C6orf136: variants seen among roughly 807,000 people sequenced by gnomAD.
C6orf136 encodes the protein chromosome 6 open reading frame 136, also known as uncharacterized protein C6orf136.
A neutral mutation model predicts 44.0 loss-of-function variants in C6orf136; 29 were observed. That is an observed-to-expected ratio of 0.66 (90% CI 0.49 to 0.90). The LOEUF (loss-of-function observed/expected upper bound fraction) is 0.90, where lower values mean the gene tolerates loss of function less well. Ranked by LOEUF, C6orf136 falls within the 40% of genes least tolerant of loss-of-function variation. The probability of loss-of-function intolerance (pLI) is 0.00; values close to 1 mark genes in which losing one functional copy is unlikely to be tolerated. For synonymous variants in C6orf136, 293 were observed against 278.6 expected, an observed-to-expected ratio of 1.05 and a Z score of -0.52; for missense variants, 628 against 669.3, an observed-to-expected ratio of 0.94 and a Z score of 0.68.
intron 3 of C6orf136, 64 bp downstream of exon 3, chr6:30,651,146 C>G: frequency 1.3e-6 from 2 of 1,562,258 alleles, no homozygotes; most frequent in Non-Finnish European, 1.8e-6. Context: ...ATACATGACC[C>G]TTTTCACTTC....
At chr6:30,649,198 A>C (rs1767173598) in intron 1 of C6orf136, among the ~76,000 whole-genome samples, 1 of 151,824 alleles carries the variant, frequency 6.6e-6, no homozygotes, top group Non-Finnish European at 1.5e-5. Flanking sequence ...TCCTGTCTCT[A>C]CTAAAAATAC....
chr6:30,647,755 T>G lies in C6orf136; in HGVS notation c.524T>G (p.Val175Gly), dbSNP rs1229705474. 6 of 1,548,308 alleles carry G rather than the reference T, an allele frequency of 3.9e-6. No individual in the cohort carries two copies. Among genetic ancestry groups the G allele is most frequent in the Non-Finnish European group, 4.4e-6 (5 of 1,146,432 alleles). The change falls in exon 1 of 6, where the codon GTG becomes GGG. Residue 175 changes from valine (V) to glycine (G), a missense_variant. Val to Gly is a moderately radical substitution (Grantham distance 109, BLOSUM62 -3). Transcript: ENST00000651131. The surrounding 1 kb of genome is among the most constrained non-coding windows in gnomAD (Gnocchi z 4.8). ...GERSWQEGRPVCTRFGPLRPG... is the reference protein window; with the variant it reads ...GERSWQEGRPGCTRFGPLRPG... ...CGGTCCTGGCAGGAAGGCCGGCCAG[T>G]GTGCACCCGGTTCGGGCCCCTGCGC...
Position 30,651,377 on chromosome 6 carries a change from G to A in C6orf136, c.1218G>A (p.Trp406Ter). The change falls in exon 4 of 6, where the codon TGG becomes TGA. Residue 406 changes from tryptophan to a stop codon, truncating the protein, a stop_gained. Coordinates refer to ENST00000651131, the MANE Select transcript of C6orf136 (RefSeq NM_001161376.2). LOFTEE classifies it high-confidence loss of function. ...VLQLTRHPEN[W>*]TLQARWRLVG... ...AGCTGACCCGCCACCCTGAGAACTG[G>A]ACCCTGCAAGCCCGGTGGCGGCTTG... 6.2e-7 allele frequency: 1 copy of A among 1,613,770 alleles called. No individual in the cohort carries two copies. Among genetic ancestry groups the A allele is most frequent in the Non-Finnish European group, 8.5e-7 (1 of 1,180,030 alleles).
In C6orf136 at chr6:30,647,875, G is replaced by C. The variant is rs1767017960; in HGVS notation, c.615+29G>C. On this transcript the variant is annotated intron_variant, in intron 1 of 5. Coordinates refer to ENST00000651131, the MANE Select transcript of C6orf136 (RefSeq NM_001161376.2). The surrounding 1 kb of genome is among the most constrained non-coding windows in gnomAD (Gnocchi z 4.8). ...CCCGAGCGGTCCGCCCGCCTTCCCT[G>C]CAGTGAGACGATCCCCTGGGGGGTT... 1.4e-6 allele frequency: 2 copies of C among 1,454,796 alleles called. No homozygotes were observed. The highest frequency in any genetic ancestry group is 1.8e-6 in the Non-Finnish European group (2 of 1,105,252). The allele number at this position is 1,454,796 out of a possible 1,614,324, so 90.1% of individuals were successfully genotyped here.
rs1476555180 is a variant in C6orf136 at position 30,647,782 on chromosome 6, CG to C, written c.554del (p.Gly185AlafsTer152). ...TGCACCCGGTTCGGGCCCCTGCGCC[CG>C]GGCTGGCAAGATGGCCACGCCCCCA... is the stretch of plus-strand genomic sequence containing the variant. ...PVCTRFGPLR[P>X]GWQDGHAPSR... On this transcript the variant is annotated frameshift_variant, in exon 1 of 6. Transcript: ENST00000651131. LOFTEE classifies it high-confidence loss of function. This position sits in a 1 kb window ranked among gnomAD's most constrained non-coding sequence, Gnocchi z 4.8. 2 of 1,542,860 alleles carry C rather than the reference CG, an allele frequency of 1.3e-6. No individual in the cohort carries two copies. Among genetic ancestry groups the C allele is most frequent in the Non-Finnish European group, 1.7e-6 (2 of 1,144,884 alleles).
intron 4 of C6orf136, 150 bp downstream of exon 4, chr6:30,651,616 C>T (rs1463893109): frequency 1.3e-6 from 1 of 746,558 alleles, no homozygotes; most frequent in East Asian, 2.6e-5. Flanking sequence ...CAGCAATTCT[C>T]CAGCCTCAGC....
At position 30,651,332 on chromosome 6, in the gene C6orf136, C is replaced by T; in HGVS notation, c.1173C>T (p.His391=). The T allele has an allele frequency of 1.2e-6, 2 of 1,614,062 alleles. No homozygotes were observed. Among genetic ancestry groups the T allele is most frequent in the Non-Finnish European group, 8.5e-7 (1 of 1,180,036 alleles). The change falls in exon 4 of 6, where the codon CAC becomes CAT. Residue 391 remains histidine, a synonymous_variant. Coordinates refer to ENST00000651131, the MANE Select transcript of C6orf136 (RefSeq NM_001161376.2). ...CRFLAWNYFA[H]LRLEVLQLTR... is the part of the protein sequence containing the mutation. ...TCCTGGCCTGGAATTATTTTGCACA[C>T]CTTCGTTTGGAGGTTTTACAGCTGA...
Position 30,649,793 on chromosome 6 carries a change from G to A in C6orf136, c.851G>A (p.Cys284Tyr), listed in dbSNP as rs912826794. Residue 284 changes from cysteine to tyrosine, a missense_variant, in exon 2 of 6, where the codon TGC (cysteine) becomes TAC (tyrosine). Coordinates refer to ENST00000651131, the MANE Select transcript of C6orf136 (RefSeq NM_001161376.2). ...EGPGPELHSG[C>Y]LDGLRSLFEG... is the part of the protein sequence containing the mutation. ...CCAGGACCTGAGTTGCATAGCGGCT[G>A]CCTGGATGGGCTTAGAAGCCTTTTT... 1.7e-5 allele frequency: 28 copies of A among 1,614,114 alleles called. 2 individuals are homozygous for A. In the East Asian group the frequency reaches 6.2e-4, roughly 36 times the overall value.
In C6orf136 at chr6:30,647,956, G is replaced by C; in HGVS notation, c.615+110G>C. ...TAACTTTGGGTGACCTCCCCTTGCA[G>C]TTTCAACGTCGGTAAACCCAGGAGA... On this transcript the variant is annotated intron_variant, in intron 1 of 5. Transcript: ENST00000651131. The surrounding 1 kb of genome is among the most constrained non-coding windows in gnomAD (Gnocchi z 4.8). 1 of 1,395,702 alleles carries C rather than the reference G, an allele frequency of 7.2e-7. No homozygotes were observed. The highest frequency in any genetic ancestry group is 1.5e-5 in the South Asian group (1 of 64,784). The allele number at this position is 1,395,702 out of a possible 1,614,324, so 86.5% of individuals were successfully genotyped here.
chr6:30,647,528 G>C lies in C6orf136; in HGVS notation c.297G>C (p.Arg99Ser), dbSNP rs1481581976. ...GGACGTCGGTCCTCCCAGGTTTGAGGGCGGTCAGGCGGGGTCAAGGCCAGG... is the reference window on the plus strand; with the variant it reads ...GGACGTCGGTCCTCCCAGGTTTGAGCGCGGTCAGGCGGGGTCAAGGCCAGG... Reference protein sequence around the residue: ...RARTSVLPGLRAVRRGQGQAA... With the variant: ...RARTSVLPGLSAVRRGQGQAA... The change falls in exon 1 of 6, where the codon AGG becomes AGC. Residue 99 changes from arginine to serine, a missense_variant. Around this residue, in one of 2 missense-constraint regions of C6orf136, gnomAD observed 497 missense variants for 469.2 expected, o/e 1.06. Coordinates refer to ENST00000651131, the MANE Select transcript of C6orf136 (RefSeq NM_001161376.2). The surrounding 1 kb of genome is among the most constrained non-coding windows in gnomAD (Gnocchi z 4.8). The C allele has an allele frequency of 1.3e-6, 2 of 1,518,632 alleles. No homozygotes were observed. Among genetic ancestry groups the C allele is most frequent in the Non-Finnish European group, 1.8e-6 (2 of 1,127,068 alleles). The allele number at this position is 1,518,632 out of a possible 1,614,324, so 94.1% of individuals were successfully genotyped here. A position where few individuals can be genotyped will look rare whatever the true frequency, so the allele number is the denominator to read the frequency against.
chr6:30,649,582 C>T lies in C6orf136; in HGVS notation c.640C>T (p.Pro214Ser). Reference sequence around the variant, plus strand: ...GGACCAGCTTTATCCAGGGACTCTACCATTCCCACCCCTTTGGCCCCACTC... The same window carrying T: ...GGACCAGCTTTATCCAGGGACTCTATCATTCCCACCCCTTTGGCCCCACTC... ...TEDQLYPGTLPFPPLWPHSTT... is the reference protein window; with the variant it reads ...TEDQLYPGTLSFPPLWPHSTT... Residue 214 changes from proline to serine, a missense_variant, in exon 2 of 6, where the codon CCA (proline) becomes TCA (serine). Physicochemically the swap from Pro to Ser is moderately conservative, Grantham distance 74. Coordinates refer to ENST00000651131, the MANE Select transcript of C6orf136 (RefSeq NM_001161376.2). 1 of 1,587,292 alleles carries T rather than the reference C, an allele frequency of 6.3e-7. No individual in the cohort carries two copies. Among genetic ancestry groups the T allele is most frequent in the Non-Finnish European group, 8.5e-7 (1 of 1,173,324 alleles).
chr6:30,647,741 G>A lies in C6orf136; in HGVS notation c.510G>A (p.Gln170=). 1 of 1,549,346 alleles carries A rather than the reference G, an allele frequency of 6.5e-7. No individual in the cohort carries two copies. Among genetic ancestry groups the A allele is most frequent in the Non-Finnish European group, 8.7e-7 (1 of 1,146,644 alleles). ...ARLALGERSW[Q]EGRPVCTRFG... The stretch of plus-strand genomic sequence containing the variant: ...TTGCACTCGGAGAGCGGTCCTGGCA[G>A]GAAGGCCGGCCAGTGTGCACCCGGT... Residue 170 remains glutamine (Q), a synonymous_variant, in exon 1 of 6, where the codon CAG becomes CAA. Coordinates refer to ENST00000651131, the MANE Select transcript of C6orf136 (RefSeq NM_001161376.2). The surrounding 1 kb of genome is among the most constrained non-coding windows in gnomAD (Gnocchi z 4.8).
In C6orf136 at chr6:30,647,445, G is replaced by T. The variant is rs755287603; in HGVS notation, c.214G>T (p.Val72Leu). Residue 72 changes from valine to leucine, a missense_variant, in exon 1 of 6, where the codon GTG (valine) becomes TTG (leucine). By Grantham distance (32) the Val-to-Leu change is conservative. Coordinates refer to ENST00000651131, the MANE Select transcript of C6orf136 (RefSeq NM_001161376.2). This position sits in a 1 kb window ranked among gnomAD's most constrained non-coding sequence, Gnocchi z 4.8. ...PPLPTCALQR[V>L]DRLGVAGAGG... is the part of the protein sequence containing the mutation. ...CCTTCCCACCTGTGCCCTGCAGCGC[G>T]TGGACAGGCTAGGGGTCGCGGGAGC... 1.6e-5 allele frequency: 23 copies of T among 1,471,402 alleles called. No individual in the cohort carries two copies. In the African/African-American group the frequency reaches 3.0e-4, roughly 19 times the overall value. 91.1% of individuals were successfully genotyped at this position (1,471,402 alleles called of 1,614,324 possible). A position where few individuals can be genotyped will look rare whatever the true frequency, so the allele number is the denominator to read the frequency against.
In C6orf136 at chr6:30,647,930, C is replaced by T; in HGVS notation, c.615+84C>T. Reference sequence around the variant, plus strand: ...GGGAGCGGAGGGACTCGGGTGAGGCCTAACTTTGGGTGACCTCCCCTTGCA... The same window carrying T: ...GGGAGCGGAGGGACTCGGGTGAGGCTTAACTTTGGGTGACCTCCCCTTGCA... On this transcript the variant is annotated intron_variant, in intron 1 of 5. Coordinates refer to ENST00000651131, the MANE Select transcript of C6orf136 (RefSeq NM_001161376.2). The surrounding 1 kb of genome is among the most constrained non-coding windows in gnomAD (Gnocchi z 4.8). 7.1e-7 allele frequency: 1 copy of T among 1,417,924 alleles called. No individual in the cohort carries two copies. Among genetic ancestry groups the T allele is most frequent in the Non-Finnish European group, 9.2e-7 (1 of 1,090,518 alleles). 87.8% of individuals were successfully genotyped at this position (1,417,924 alleles called of 1,614,324 possible).
At chr6:30,652,577 T>TAAAC in intron 4 of C6orf136, 71 bp from the exon 5 acceptor site, 2 of 1,421,598 alleles carry the variant, frequency 1.4e-6, no homozygotes, top group African/African-American at 2.8e-5. Flanking sequence ...ACTACTCGTT[T>TAAAC]AAACAAATGC....
In C6orf136 at chr6:30,647,367, C is replaced by G; in HGVS notation, c.136C>G (p.Arg46Gly). ...GGERPSSKPV[R>G]GAERALGSAQ... ...GGAGAGACCCTCCTCAAAGCCGGTG[C>G]GTGGGGCGGAGCGCGCGCTGGGTTC... Residue 46 changes from arginine to glycine, a missense_variant, in exon 1 of 6, where the codon CGT (arginine) becomes GGT (glycine). Arg to Gly is a moderately radical substitution (Grantham distance 125). Coordinates refer to ENST00000651131, the MANE Select transcript of C6orf136 (RefSeq NM_001161376.2). The surrounding 1 kb of genome is among the most constrained non-coding windows in gnomAD (Gnocchi z 4.8). The G allele has an allele frequency of 4.6e-6, 7 of 1,513,710 alleles. No homozygotes were observed. Among genetic ancestry groups the G allele is most frequent in the Non-Finnish European group, 6.2e-6 (7 of 1,134,008 alleles). The allele number at this position is 1,513,710 out of a possible 1,614,324, so 93.8% of individuals were successfully genotyped here.
rs763976351 is a variant in C6orf136, at chr6:30,647,694, C to G, written c.463C>G (p.Arg155Gly). The change falls in exon 1 of 6, where the codon CGC becomes GGC. Residue 155 changes from arginine to glycine, a missense_variant. Arg to Gly is a moderately radical substitution (Grantham distance 125). This residue lies in a region of C6orf136 where 497 missense variants were observed against 469.2 expected (regional missense o/e 1.06). Transcript: ENST00000651131. The surrounding 1 kb of genome is among the most constrained non-coding windows in gnomAD (Gnocchi z 4.8). ...CCCGGCCCAGACCAGACCCGCGGGG[C>G]GCCCTCAGCAGCCCGCCCGTCTTGC... ...SSPAQTRPAG[R>G]PQQPARLALG... 11 of 1,550,112 alleles carry G rather than the reference C, an allele frequency of 7.1e-6. No homozygotes were observed. Among genetic ancestry groups the G allele is most frequent in the Non-Finnish European group, 9.6e-6 (11 of 1,146,712 alleles).
Position 30,647,202 on chromosome 6 carries a change from A to T in C6orf136, c.-30A>T. On this transcript the variant is annotated 5_prime_UTR_variant, in exon 1 of 6. Coordinates refer to ENST00000651131, the MANE Select transcript of C6orf136 (RefSeq NM_001161376.2). This position sits in a 1 kb window ranked among gnomAD's most constrained non-coding sequence, Gnocchi z 4.8. ...TGTGAGGAGGCCGGAGGTCGGACTC[A>T]GGAGGCTCCTTCTCCACTCCCGGAA... The T allele has an allele frequency of 6.5e-7, 1 of 1,545,148 alleles. No individual in the cohort carries two copies. The highest frequency in any genetic ancestry group is 1.2e-5 in the South Asian group (1 of 84,506).
Position 30,647,910 on chromosome 6 carries a change from C to T in C6orf136, c.615+64C>T. 1.4e-6 allele frequency: 2 copies of T among 1,422,542 alleles called. No individual in the cohort carries two copies. The highest frequency in any genetic ancestry group is 9.2e-7 in the Non-Finnish European group (1 of 1,092,516). 88.1% of individuals were successfully genotyped at this position (1,422,542 alleles called of 1,614,324 possible). Reference sequence around the variant, plus strand: ...GATCCCCTGGGGGGTTCCTTGGGAGCGGAGGGACTCGGGTGAGGCCTAACT... The same window carrying T: ...GATCCCCTGGGGGGTTCCTTGGGAGTGGAGGGACTCGGGTGAGGCCTAACT... On this transcript the variant is annotated intron_variant, in intron 1 of 5. Coordinates refer to ENST00000651131, the MANE Select transcript of C6orf136 (RefSeq NM_001161376.2). This position sits in a 1 kb window ranked among gnomAD's most constrained non-coding sequence, Gnocchi z 4.8.
Sources: allele counts gnomAD v4.1 joint callset (sites outside exome capture counted in the v4.1 genomes callset), GRCh38; gene constraint gnomAD v4.1.1; regional missense constraint gnomAD v4.1.1; non-coding constraint Gnocchi (gnomAD v3.1); transcripts MANE v1.5; gene names NCBI Gene and HGNC (gene_info 2026-07-23, HGNC 2026-07-21).